Variants in SH3D19 observed in about 807,000 individuals in gnomAD.
SH3D19 encodes SH3 domain-containing protein 19.
Under a neutral mutation model 112.1 loss-of-function variants are expected in SH3D19, and 58 were observed. The observed-to-expected ratio is 0.52, with a 90% CI of 0.42 to 0.64. The LOEUF is 0.64. Ranked by LOEUF, SH3D19 falls within the 30% of genes least tolerant of loss-of-function variation. The pLI, the probability that SH3D19 is intolerant of heterozygous loss-of-function variation, is 0.00. For missense variants in SH3D19, 1,090 were observed against 1,263.4 expected (o/e 0.86, Z 2.08); for synonymous variants, 391 against 448.5 (o/e 0.87, Z 1.62).
chr4:151,200,820 C>T (rs968116882), intron 2 of SH3D19, among the ~76,000 whole-genome samples: 4 of 152,144 alleles, frequency 2.6e-5, no homozygotes, highest in African/African-American at 9.7e-5. Context: ...TGAATAGAAA[C>T]TCTGACATAT....
intron 1 of SH3D19, chr4:151,282,454 C>A: frequency 6.2e-7 from 1 of 1,602,044 alleles, no homozygotes. Context: ...ATATGTCATC[C>A]TCTTGTACTC....
chr4:151,167,314 A>G (rs1209785010), intron 7 of SH3D19, among the ~76,000 whole-genome samples: 1 of 151,806 alleles, frequency 6.6e-6, no homozygotes, highest in East Asian at 1.9e-4. Flanking sequence ...AACAAGTATA[A>G]TAGTACTTTT....
At chr4:151,240,476 C>T (rs1034363937) in intron 1 of SH3D19, among the ~76,000 whole-genome samples, 43 of 151,518 alleles carry the variant, frequency 2.8e-4, no homozygotes, top group Middle Eastern at 3.4e-3. Context: ...AGGTACTGCA[C>T]ATGAGGCTTA....
At chr4:151,314,547 A>G (rs1480749585) in intron 1 of SH3D19, among the ~76,000 whole-genome samples, 1 of 152,248 alleles carries the variant, frequency 6.6e-6, no homozygotes, top group African/African-American at 2.4e-5. Context: ...CAAAATAGCA[A>G]CAAGAATCTA....
intron 1 of SH3D19, among the ~76,000 whole-genome samples, chr4:151,234,735 G>GTTTGTTTT (rs1561387745): frequency 1.2e-4 from 3 of 25,078 alleles, no homozygotes; most frequent in African/African-American, 2.8e-4. Flanking sequence ...CCAAGTTTGT[G>GTTTGTTTT]TTTTTTTTTT....
At chr4:151,234,145 GTCT>G (rs1378262211) in intron 1 of SH3D19, among the ~76,000 whole-genome samples, 4 of 152,074 alleles carry the variant, frequency 2.6e-5, no homozygotes, top group African/African-American at 9.7e-5. Flanking sequence ...GCTCAACATA[GTCT>G]TCTCCAAAAC....
intron 15 of SH3D19, 37 bp downstream of exon 15, chr4:151,135,037 T>G: frequency 6.6e-7 from 1 of 1,509,834 alleles, no homozygotes. Context: ...GGTTATCTCC[T>G]TTGTATTTTG....
rs1361014112 is a variant in SH3D19, at chr4:151,201,098, T to C, written c.153-13635A>G. On this transcript the variant is annotated intron_variant, in intron 2 of 19. Coordinates refer to ENST00000604030, the MANE Select transcript of SH3D19 (RefSeq NM_001378122.1). ...ATAATTTGTGTGCTATTTTTAAAAATTGCTATAGCAAACAAACAAAACAAA... is the reference window on the plus strand; with the variant it reads ...ATAATTTGTGTGCTATTTTTAAAAACTGCTATAGCAAACAAACAAAACAAA... Among the ~76,000 whole-genome samples the C allele has an allele frequency of 2.6e-5, 4 of 152,330 alleles. No homozygotes were observed. In the East Asian group the frequency reaches 5.8e-4, roughly 22 times the overall value.
At chr4:151,297,783 T>C (rs1174782341) in intron 1 of SH3D19, among the ~76,000 whole-genome samples, 2 of 152,200 alleles carry the variant, frequency 1.3e-5, no homozygotes, top group Non-Finnish European at 2.9e-5. Context: ...TCTGTGAATA[T>C]GTTACTACAC....
chr4:151,222,212 T>C (rs1182306084), intron 2 of SH3D19, among the ~76,000 whole-genome samples: 2 of 152,200 alleles, frequency 1.3e-5, no homozygotes, highest in Non-Finnish European at 2.9e-5. Context: ...GTCCTCCCTC[T>C]GGGACTCCCA....
chr4:151,200,462 A>G (rs1021029436), intron 2 of SH3D19, among the ~76,000 whole-genome samples: 4 of 152,178 alleles, frequency 2.6e-5, no homozygotes, highest in African/African-American at 9.7e-5. Flanking sequence ...TTAAAGGTTC[A>G]TCATTTCCTA....
At chr4:151,224,065 C>T (rs907499424) in intron 2 of SH3D19, among the ~76,000 whole-genome samples, 2 of 152,040 alleles carry the variant, frequency 1.3e-5, no homozygotes, top group Non-Finnish European at 2.9e-5. Context: ...ATCCCAGCAC[C>T]TTGGGAGGCC....
intron 12 of SH3D19, 48 bp downstream of exon 12, chr4:151,143,862 T>C (rs756738569): frequency 1.3e-6 from 2 of 1,533,934 alleles, no homozygotes; most frequent in Admixed American, 2.1e-5. Flanking sequence ...TTCCATGAAA[T>C]GTGCTGCTAT....
At chr4:151,277,251 G>C in intron 1 of SH3D19, 1 of 1,465,988 alleles carries the variant, frequency 6.8e-7, no homozygotes, top group South Asian at 1.4e-5. Context: ...GGTTGAGAAG[G>C]CAGAGGCAGA....
At position 151,149,820 on chromosome 4, in the gene SH3D19, C is replaced by T. The variant is rs569384259; in HGVS notation, c.1756-259G>A. Among the ~76,000 whole-genome samples the T allele has an allele frequency of 3.6e-4, 55 of 152,226 alleles. No individual in the cohort carries two copies. In the South Asian group the frequency reaches 4.6e-3, roughly 13 times the overall value. ...GACCACAGCCTGAGCAACTGCACTGCATGGTCATGCACTCAGTGGATTCAT... is the reference window on the plus strand; with the variant it reads ...GACCACAGCCTGAGCAACTGCACTGTATGGTCATGCACTCAGTGGATTCAT... On this transcript the variant is annotated intron_variant, in intron 9 of 19. Transcript: ENST00000604030.
At chr4:151,179,872 C>T (rs1760570245) in intron 3 of SH3D19, among the ~76,000 whole-genome samples, 1 of 152,078 alleles carries the variant, frequency 6.6e-6, no homozygotes, top group Admixed American at 6.6e-5. Flanking sequence ...ATTTTATAAC[C>T]TTTAAGTTGT....
chr4:151,226,476 A>G, intron 1 of SH3D19: 1 of 989,356 alleles, frequency 1.0e-6, no homozygotes, highest in African/African-American at 1.7e-5. Flanking sequence ...GGTTGGCAGA[A>G]GCTTCTAACA....
chr4:151,148,588 G>C (rs1361513447), intron 10 of SH3D19, among the ~76,000 whole-genome samples: 3 of 151,942 alleles, frequency 2.0e-5, no homozygotes, highest in African/African-American at 7.3e-5. Flanking sequence ...TGTGTGCTGG[G>C]GTCTTGTACA....
intron 11 of SH3D19, among the ~76,000 whole-genome samples, chr4:151,146,841 T>C (rs1317397558): frequency 1.3e-5 from 2 of 152,192 alleles, no homozygotes; most frequent in Non-Finnish European, 2.9e-5. Context: ...AACTCTGTTT[T>C]TTAACTGTGG....
Sources: allele counts gnomAD v4.1 joint callset (sites outside exome capture counted in the v4.1 genomes callset), GRCh38; gene constraint gnomAD v4.1.1; transcripts MANE v1.5; gene names NCBI Gene and HGNC (gene_info 2026-07-23, HGNC 2026-07-21).